Variants in CORO2B observed in about 807,000 individuals in gnomAD.
CORO2B encodes the protein coronin-2B.
CORO2B carries 26 observed loss-of-function variants against 58.8 expected under a neutral mutation model. That is an observed-to-expected ratio of 0.44 (90% CI 0.32 to 0.61). CORO2B has a LOEUF of 0.61. Among genes scored for constraint, CORO2B ranks in the 20% least tolerant of loss-of-function variants. CORO2B has a pLI of 0.04. For missense variants in CORO2B, 460 were observed against 645.1 expected (o/e 0.71, Z 3.11); for synonymous variants, 242 against 253.8 (o/e 0.95, Z 0.44).
chr15:68,642,598 G>A (rs980244787), intron 1 of CORO2B, among the ~76,000 whole-genome samples: 6 of 152,170 alleles, frequency 3.9e-5, no homozygotes, highest in African/African-American at 9.7e-5. Flanking sequence ...TGGCCTCCAC[G>A]ACTCACCTAG....
intron 1 of CORO2B, among the ~76,000 whole-genome samples, chr15:68,613,762 A>G (rs1223660229): frequency 6.6e-6 from 1 of 152,224 alleles, no homozygotes; most frequent in Non-Finnish European, 1.5e-5. Context: ...GCATCTTTGC[A>G]GTCCTTGGCA....
chr15:68,624,052 G>A (rs567572678), intron 1 of CORO2B, among the ~76,000 whole-genome samples: 5 of 152,146 alleles, frequency 3.3e-5, no homozygotes, highest in Non-Finnish European at 7.3e-5. Context: ...AAAGGACTGG[G>A]GTGGCGGGTC....
intron 1 of CORO2B, among the ~76,000 whole-genome samples, chr15:68,643,984 C>T (rs1901340879): frequency 2.0e-5 from 3 of 152,022 alleles, no homozygotes; most frequent in South Asian, 2.1e-4. Context: ...TTCCAGTGAG[C>T]CGAGATCGCA....
At position 68,726,076 on chromosome 15, in the gene CORO2B, G is replaced by A; in HGVS notation, c.*102G>A. 1 of 1,497,790 alleles carries A rather than the reference G, an allele frequency of 6.7e-7. No homozygotes were observed. Among genetic ancestry groups the A allele is most frequent in the Non-Finnish European group, 9.0e-7 (1 of 1,112,026 alleles). 92.8% of individuals were successfully genotyped at this position (1,497,790 alleles called of 1,614,324 possible). On this transcript the variant is annotated 3_prime_UTR_variant, in exon 12 of 12. Transcript: ENST00000261861. ...CCCCAGAGACAGAGCCAGGACAGGA[G>A]TGGGGGCCAGCCTGAGGACCCCCGC...
chr15:68,568,619 C>T, the CORO2B span, among the ~76,000 whole-genome samples: 1 of 152,196 alleles, frequency 6.6e-6, no homozygotes, highest in African/African-American at 2.4e-5. Flanking sequence ...ATAAACCATC[C>T]TACCATTTAC....
the CORO2B span, among the ~76,000 whole-genome samples, chr15:68,565,360 T>C: frequency 2.0e-5 from 3 of 151,744 alleles, no homozygotes; most frequent in Non-Finnish European, 4.4e-5. Context: ...CATATATTCA[T>C]GTGCATATAG....
the CORO2B span, among the ~76,000 whole-genome samples, chr15:68,523,545 A>G: frequency 2.6e-5 from 4 of 152,126 alleles, no homozygotes; most frequent in African/African-American, 9.7e-5. Context: ...TTTCCCAACT[A>G]CCTTTTGTTT....
intron 1 of CORO2B, among the ~76,000 whole-genome samples, chr15:68,607,416 A>G (rs889577071): frequency 1.4e-4 from 22 of 152,180 alleles, no homozygotes; most frequent in African/African-American, 5.3e-4. Flanking sequence ...CAAACAAGGA[A>G]GAATGTAAGA....
the CORO2B span, among the ~76,000 whole-genome samples, chr15:68,528,075 G>T: frequency 6.6e-6 from 1 of 152,010 alleles, no homozygotes; most frequent in Non-Finnish European, 1.5e-5. Context: ...CAATTATGTT[G>T]TCTGCTAATG....
the CORO2B span, among the ~76,000 whole-genome samples, chr15:68,537,833 C>T: frequency 6.6e-6 from 1 of 152,216 alleles, no homozygotes; most frequent in African/African-American, 2.4e-5. Context: ...GTAGTTGCTA[C>T]AGGGATCCTC....
intron 2 of CORO2B, among the ~76,000 whole-genome samples, chr15:68,680,674 G>A (rs1023247348): frequency 3.3e-5 from 5 of 152,170 alleles, no homozygotes; most frequent in Admixed American, 3.3e-4. Context: ...CCTGCATGGA[G>A]CTTACATTCT....
intron 1 of CORO2B, among the ~76,000 whole-genome samples, chr15:68,640,709 C>T (rs943883109): frequency 1.3e-5 from 2 of 152,064 alleles, no homozygotes; most frequent in South Asian, 2.1e-4. Flanking sequence ...TTCTCAGATG[C>T]GATGATGGTG....
At chr15:68,583,656 G>C (rs1224570466) in intron 1 of CORO2B, among the ~76,000 whole-genome samples, 1 of 152,214 alleles carries the variant, frequency 6.6e-6, no homozygotes, top group Non-Finnish European at 1.5e-5. Context: ...TATACCTACA[G>C]TCAGATGGCG....
At chr15:68,608,200 C>T (rs1167680578) in intron 1 of CORO2B, among the ~76,000 whole-genome samples, 1 of 152,266 alleles carries the variant, frequency 6.6e-6, no homozygotes, top group African/African-American at 2.4e-5. Context: ...AGCACGGCCA[C>T]TGCAGGCCCA....
chr15:68,574,203 CGCTGT>C (rs2140544205), upstream of CORO2B, among the ~76,000 whole-genome samples: 1 of 152,284 alleles, frequency 6.6e-6, no homozygotes, highest in African/African-American at 2.4e-5. Context: ...CTAGGGCAGT[CGCTGT>C]GCTGACAGAG....
Position 68,630,467 on chromosome 15 carries a change from G to A in CORO2B, c.16-14693G>A, listed in dbSNP as rs558136461. Among the ~76,000 whole-genome samples the A allele has an allele frequency of 4.6e-5, 7 of 152,156 alleles. No homozygotes were observed. In the South Asian group the frequency reaches 1.5e-3, roughly 32 times the overall value. ...AGGGGCAGGCCTGCTAGGCTTGGGT[G>A]GGGCTCTGTGGTCTCTGGGCCTCCT... On this transcript the variant is annotated intron_variant, in intron 1 of 11. Coordinates refer to ENST00000261861, the MANE Select transcript of CORO2B (RefSeq NM_006091.5).
At position 68,675,308 on chromosome 15, in the gene CORO2B, A is replaced by G. The variant is rs1292919138; in HGVS notation, c.217-19832A>G. Among the ~76,000 whole-genome samples, 3 of 152,212 alleles carry G rather than the reference A, an allele frequency of 2.0e-5. No individual in the cohort carries two copies. In the East Asian group the frequency reaches 5.8e-4, roughly 29 times the overall value. ...AGGATTTCACAGTAACTTTGAGGAC[A>G]GGAAACAAGCTGTGTCAATTCCCTT... is the stretch of plus-strand genomic sequence containing the variant. On this transcript the variant is annotated intron_variant, in intron 2 of 11. Transcript: ENST00000261861.
chr15:68,699,515 G>A (rs1465558049), intron 3 of CORO2B, among the ~76,000 whole-genome samples: 1 of 151,864 alleles, frequency 6.6e-6, no homozygotes, highest in East Asian at 1.9e-4. Flanking sequence ...GGAAGGGAGG[G>A]GCTGGCCTGG....
At chr15:68,714,760 C>A in intron 7 of CORO2B, 97 bp downstream of exon 7, 1 of 918,866 alleles carries the variant, frequency 1.1e-6, no homozygotes, top group Non-Finnish European at 1.7e-6. Flanking sequence ...AGTAGCCAGC[C>A]TAACCTTCCA....
Sources: allele counts gnomAD v4.1 joint callset (sites outside exome capture counted in the v4.1 genomes callset), GRCh38; gene constraint gnomAD v4.1.1; transcripts MANE v1.5; gene names NCBI Gene and HGNC (gene_info 2026-07-23, HGNC 2026-07-21).